The following CNBD1 variants were observed in gnomAD, a reference collection of about 807,000 sequenced individuals.
CNBD1 encodes the protein cyclic nucleotide binding domain containing 1.
A neutral mutation model predicts 54.4 loss-of-function variants in CNBD1; 71 were observed. The observed-to-expected ratio is 1.30, with a 90% CI of 1.08 to 1.59. The LOEUF is 1.59. Among genes scored for constraint, CNBD1 ranks in the 40% most tolerant of loss-of-function variants. The pLI is 0.00. For synonymous variants in CNBD1, 182 were observed against 170.7 expected (o/e 1.07, Z -0.51); for missense variants, 659 against 518.0 (o/e 1.27, Z -2.64).
chr8:87,216,030 G>A (rs1814203031), intron 5 of CNBD1, among the ~76,000 whole-genome samples: 2 of 152,088 alleles, frequency 1.3e-5, no homozygotes, highest in Non-Finnish European at 1.5e-5. Context: ...TAGTGTTTTC[G>A]TGGTTTATCT....
chr8:86,878,403 G>A (rs2131775883), intron 1 of CNBD1, among the ~76,000 whole-genome samples: 1 of 152,152 alleles, frequency 6.6e-6, no homozygotes, highest in East Asian at 1.9e-4. Context: ...CATCAACTTT[G>A]TTCTGTTCTC....
chr8:87,264,569 A>G (rs974691474), intron 6 of CNBD1, among the ~76,000 whole-genome samples: 53 of 152,270 alleles, frequency 3.5e-4, no homozygotes, highest in African/African-American at 8.4e-4. Flanking sequence ...CTGAGGAATC[A>G]CCACACTGTC....
At chr8:87,413,313 T>A (rs1163682811) in intron 2 of CNBD1, among the ~76,000 whole-genome samples, 1 of 152,088 alleles carries the variant, frequency 6.6e-6, no homozygotes, top group African/African-American at 2.4e-5. Context: ...TCACACTTAC[T>A]ACTTTAAATT....
chr8:87,132,917 C>T (rs937133683), intron 4 of CNBD1, among the ~76,000 whole-genome samples: 2 of 150,936 alleles, frequency 1.3e-5, no homozygotes, highest in Non-Finnish European at 3.0e-5. Flanking sequence ...CTACAAGTCA[C>T]TCAGGTTCTA....
At chr8:86,996,404 T>C (rs1476198426) in intron 4 of CNBD1, among the ~76,000 whole-genome samples, 2 of 152,194 alleles carry the variant, frequency 1.3e-5, no homozygotes, top group East Asian at 1.9e-4. Flanking sequence ...ATCAATAACA[T>C]TGAAAATTCT....
At chr8:87,224,806 G>A (rs1394588957) in intron 5 of CNBD1, among the ~76,000 whole-genome samples, 1 of 150,546 alleles carries the variant, frequency 6.6e-6, no homozygotes, top group Non-Finnish European at 1.5e-5. Context: ...TGATGGGGAT[G>A]GCATTGAATC....
At chr8:87,427,760 T>C (rs535904934) in intron 2 of CNBD1, among the ~76,000 whole-genome samples, 1 of 152,302 alleles carries the variant, frequency 6.6e-6, no homozygotes, top group Non-Finnish European at 1.5e-5. Flanking sequence ...TTTTGGCTCT[T>C]TCTGTGTTTT....
intron 4 of CNBD1, among the ~76,000 whole-genome samples, chr8:87,066,014 C>T (rs1810645611): frequency 6.6e-6 from 1 of 151,964 alleles, no homozygotes; most frequent in African/African-American, 2.4e-5. Context: ...CTTGTAGCAA[C>T]ATTTGACAGT....
intron 5 of CNBD1, among the ~76,000 whole-genome samples, chr8:87,211,054 GC>G (rs1436496279): frequency 1.3e-5 from 2 of 152,146 alleles, no homozygotes; most frequent in African/African-American, 4.8e-5. Context: ...GGCCTTGGGA[GC>G]CCACCACTTG....
chr8:86,945,750 CAGA>C (rs1422181942), intron 4 of CNBD1, among the ~76,000 whole-genome samples: 1 of 152,012 alleles, frequency 6.6e-6, no homozygotes, highest in African/African-American at 2.4e-5. Context: ...TCATTTATGA[CAGA>C]AGAATGGGAA....
At chr8:87,264,558 C>T (rs1808209401) in intron 6 of CNBD1, among the ~76,000 whole-genome samples, 1 of 152,060 alleles carries the variant, frequency 6.6e-6, no homozygotes, top group South Asian at 2.1e-4. Flanking sequence ...GTTCTAGATG[C>T]CTGAGGAATC....
chr8:87,268,890 A>G (rs1471501755), intron 6 of CNBD1, among the ~76,000 whole-genome samples: 2 of 151,990 alleles, frequency 1.3e-5, no homozygotes, highest in Non-Finnish European at 2.9e-5. Flanking sequence ...TACTCCGTTT[A>G]TAGTTTCTTT....
At chr8:87,301,821 A>G (rs1478947225) in intron 8 of CNBD1, among the ~76,000 whole-genome samples, 1 of 152,220 alleles carries the variant, frequency 6.6e-6, no homozygotes, top group Admixed American at 6.5e-5. Context: ...CACCAATCCC[A>G]CAGAAATACA....
intron 10 of CNBD1, among the ~76,000 whole-genome samples, chr8:87,359,453 A>C (rs1810486838): frequency 6.6e-6 from 1 of 152,088 alleles, no homozygotes; most frequent in Non-Finnish European, 1.5e-5. Flanking sequence ...TATTGTGTTT[A>C]TTTCAGAAAG....
At chr8:87,343,747 T>C (rs946765983) in intron 8 of CNBD1, among the ~76,000 whole-genome samples, 1 of 152,172 alleles carries the variant, frequency 6.6e-6, no homozygotes, top group African/African-American at 2.4e-5. Flanking sequence ...TTATTGGCAG[T>C]ATAATATATT....
chr8:87,413,494 A>C (rs1293681832), intron 2 of CNBD1, among the ~76,000 whole-genome samples: 1 of 152,076 alleles, frequency 6.6e-6, no homozygotes, highest in Non-Finnish European at 1.5e-5. Flanking sequence ...TAGCCACTGA[A>C]GGCAAAAATG....
At position 87,370,994 on chromosome 8, in the gene CNBD1, C is replaced by T. The variant is rs1358311198; in HGVS notation, c.1304-11626C>T. 2.7e-5 allele frequency among the ~76,000 whole-genome samples: 4 copies of T among 150,580 alleles called. No individual in the cohort carries two copies. In the South Asian group the frequency reaches 8.4e-4, roughly 32 times the overall value. On this transcript the variant is annotated intron_variant, in intron 10 of 10. Coordinates refer to ENST00000518476, the MANE Select transcript of CNBD1 (RefSeq NM_173538.3). ...ATTTATTAAATAGGGAATCCTTTCC[C>T]CATTGCTTGTTTTTCTCAGGTTTGT... is the stretch of plus-strand genomic sequence containing the variant.
At chr8:87,409,635 C>T (rs1227842208) in intron 2 of CNBD1, among the ~76,000 whole-genome samples, 3 of 152,162 alleles carry the variant, frequency 2.0e-5, no homozygotes, top group Non-Finnish European at 4.4e-5. Flanking sequence ...AATAGGCAGA[C>T]TCTCCTGTTA....
intron 6 of CNBD1, among the ~76,000 whole-genome samples, chr8:87,249,643 A>C (rs1201601151): frequency 6.6e-6 from 1 of 152,182 alleles, no homozygotes; most frequent in Non-Finnish European, 1.5e-5. Context: ...AGTCCCAAGA[A>C]CTAGGTTCAT....
Sources: allele counts gnomAD v4.1 joint callset (sites outside exome capture counted in the v4.1 genomes callset), GRCh38; gene constraint gnomAD v4.1.1; transcripts MANE v1.5; gene names NCBI Gene and HGNC (gene_info 2026-07-23, HGNC 2026-07-21).